The following MKKS variants were observed in gnomAD, a reference collection of about 807,000 sequenced individuals.
The protein encoded by MKKS is molecular chaperone MKKS.
Under a neutral mutation model 33.2 loss-of-function variants are expected in MKKS, and 29 were observed. The ratio of observed to expected loss-of-function variants is 0.87; its 90% CI spans 0.65 to 1.19. The LOEUF (loss-of-function observed/expected upper bound fraction) is 1.19. Among genes scored for constraint, MKKS ranks in the 50% most tolerant of loss-of-function variants. MKKS has a pLI of 0.00. For synonymous variants in MKKS, 260 were observed against 244.0 expected, an observed-to-expected ratio of 1.07 and a Z score of -0.61; for missense variants, 661 against 662.3, an observed-to-expected ratio of 1.00 and a Z score of 0.02.
rs938356776 is a variant in MKKS at position 10,404,554 on chromosome 20, T to A, written c.*693A>T. On this transcript the variant is annotated 3_prime_UTR_variant, in exon 6 of 6. Coordinates refer to ENST00000347364, the MANE Select transcript of MKKS (RefSeq NM_170784.3). ...GAAACCCCAGTGTAAAACAAACCAG[T>A]CCTTCTTCCCACTTTAAAAATGAAG... The A allele has an allele frequency of 2.6e-5, 4 of 152,038 alleles. No individual in the cohort carries two copies. The highest frequency in any genetic ancestry group is 7.2e-5 in the African/African-American group (3 of 41,382). The allele number at this position is 152,038 out of a possible 1,614,324, so 9.4% of individuals were successfully genotyped here.
chr20:10,407,758 C>G lies in MKKS; in HGVS notation c.1162-32G>C, dbSNP rs370383395. The G allele has an allele frequency of 2.4e-5, 36 of 1,490,518 alleles. 1 individual carries two copies. The highest frequency in any genetic ancestry group is 8.6e-5 in the Admixed American group (5 of 58,184). 92.3% of individuals were successfully genotyped at this position (1,490,518 alleles called of 1,614,324 possible). A position where few individuals can be genotyped will look rare whatever the true frequency, so the allele number is the denominator to read the frequency against. Reference sequence around the variant, plus strand: ...AAAAACCCAAATCATCAGAATCAGACGTTCACATCATATTAACACACAAAA... The same window carrying G: ...AAAAACCCAAATCATCAGAATCAGAGGTTCACATCATATTAACACACAAAA... On this transcript the variant is annotated intron_variant, in intron 4 of 5. Transcript: ENST00000347364.
At chr20:10,427,264 T>G (rs924144186) in intron 1 of MKKS, among the ~76,000 whole-genome samples, 2 of 152,200 alleles carry the variant, frequency 1.3e-5, no homozygotes, top group African/African-American at 4.8e-5. Flanking sequence ...AATGTTCTCA[T>G]TTTGCCTATT....
chr20:10,420,058 T>C (rs1286932516), intron 2 of MKKS, among the ~76,000 whole-genome samples: 1 of 152,194 alleles, frequency 6.6e-6, no homozygotes, highest in Non-Finnish European at 1.5e-5. Flanking sequence ...TAAGGGACTA[T>C]AGACCTAAAT....
chr20:10,413,890 CTTCT>C lies in MKKS; in HGVS notation c.-380_-377del. On this transcript the variant is annotated 5_prime_UTR_variant, in exon 3 of 6. Transcript: ENST00000347364. Reference sequence around the variant, plus strand: ...CTAATCCAACTGGTATTTTTCATCTCTTCTTTCGATATGAAGCTCAGATTCAAAG... The same window carrying C: ...CTAATCCAACTGGTATTTTTCATCTCTTCGATATGAAGCTCAGATTCAAAG... 2.4e-6 allele frequency: 1 copy of C among 422,314 alleles called. No individual in the cohort carries two copies. The highest frequency in any genetic ancestry group is 4.2e-6 in the Non-Finnish European group (1 of 239,216). 26.2% of individuals were successfully genotyped at this position (422,314 alleles called of 1,614,324 possible). A position where few individuals can be genotyped will look rare whatever the true frequency, so the allele number is the denominator to read the frequency against.
At chr20:10,424,883 C>G (rs12479887) in intron 1 of MKKS, among the ~76,000 whole-genome samples, 57 of 152,046 alleles carry the variant, frequency 3.7e-4, no homozygotes, top group Non-Finnish European at 7.5e-4. Flanking sequence ...GAAACCCTGT[C>G]TCTACTAAAA....
Position 10,413,040 on chromosome 20 carries a change from T to C in MKKS, c.475A>G (p.Thr159Ala), listed in dbSNP as rs758787703. 2.5e-6 allele frequency: 4 copies of C among 1,614,054 alleles called. No homozygotes were observed. Among genetic ancestry groups the C allele is most frequent in the Middle Eastern group, 1.6e-4 (1 of 6,062 alleles). The change falls in exon 3 of 6, where the codon ACA becomes GCA. Residue 159 changes from threonine (T) to alanine (A), a missense_variant. Thr to Ala is a moderately conservative substitution (Grantham distance 58, BLOSUM62 0). Coordinates refer to ENST00000347364, the MANE Select transcript of MKKS (RefSeq NM_170784.3). ...GTGAGCATACAGGCAGGTTTACTTG[T>C]TAATATACTACGCACCAAACAAAGG... ...ILLCLVRSIL[T>A]SKPACMLTRK...
Position 10,402,652 on chromosome 20 carries a change from A to G in MKKS, c.*2595T>C, listed in dbSNP as rs2064816661. 1 of 152,176 alleles carries G rather than the reference A, an allele frequency of 6.6e-6. No homozygotes were observed. The highest frequency in any genetic ancestry group is 1.5e-5 in the Non-Finnish European group (1 of 68,028). The allele number at this position is 152,176 out of a possible 1,614,324, so 9.4% of individuals were successfully genotyped here. A position where few individuals can be genotyped will look rare whatever the true frequency, so the allele number is the denominator to read the frequency against. ...ATCAATTGGAGAGGTTCGCTGTGTC[A>G]CCCCTTCTTGGAGGAACTTGAAAAA... On this transcript the variant is annotated 3_prime_UTR_variant, in exon 6 of 6. Coordinates refer to ENST00000347364, the MANE Select transcript of MKKS (RefSeq NM_170784.3).
intron 1 of MKKS, among the ~76,000 whole-genome samples, chr20:10,429,930 T>G (rs2065042779): frequency 6.6e-6 from 1 of 152,228 alleles, no homozygotes; most frequent in Non-Finnish European, 1.5e-5. Flanking sequence ...GTGTTTTAAT[T>G]AATTCTTTAG....
chr20:10,407,134 T>C (rs540588391), intron 5 of MKKS, among the ~76,000 whole-genome samples: 1 of 152,172 alleles, frequency 6.6e-6, no homozygotes, highest in Admixed American at 6.5e-5. Context: ...GAATCTAATA[T>C]GTGAATTGCT....
chr20:10,405,567 C>T lies in MKKS; in HGVS notation c.1393G>A (p.Gly465Arg), dbSNP rs780828272. The change falls in exon 6 of 6, where the codon GGA becomes AGA. Residue 465 changes from glycine (G) to arginine (R), a missense_variant. Gly to Arg is a moderately radical substitution (Grantham distance 125, BLOSUM62 -2). Coordinates refer to ENST00000347364, the MANE Select transcript of MKKS (RefSeq NM_170784.3). ...TTCATGTCAGTGAGAATTTCACCTC[C>T]ATCATGTTCTAAAGAGCCAACAACA... ...ESVVGSLEHD[G>R]GEILTDMKYG... 1.9e-6 allele frequency: 3 copies of T among 1,614,180 alleles called. No homozygotes were observed. The highest frequency in any genetic ancestry group is 2.5e-6 in the Non-Finnish European group (3 of 1,180,038).
rs748027926 is a variant in MKKS, at chr20:10,405,535, T to C, written c.1425A>G (p.Gly475=). ...AATCTGCCTGAACTGACCAAAGGTGTCCATACTTCATGTCAGTGAGAATTT... is the reference window on the plus strand; with the variant it reads ...AATCTGCCTGAACTGACCAAAGGTGCCCATACTTCATGTCAGTGAGAATTT... ...GGEILTDMKY[G]HLWSVQADSP... The change falls in exon 6 of 6, where the codon GGA becomes GGG. Residue 475 remains glycine (G), a synonymous_variant. Coordinates refer to ENST00000347364, the MANE Select transcript of MKKS (RefSeq NM_170784.3). The C allele has an allele frequency of 5.0e-6, 8 of 1,614,206 alleles. No homozygotes were observed. Among genetic ancestry groups the C allele is most frequent in the East Asian group, 2.2e-5 (1 of 44,882 alleles).
At position 10,405,466 on chromosome 20, in the gene MKKS, G is replaced by A. The variant is rs769705805; in HGVS notation, c.1494C>T (p.Gly498=). The A allele has an allele frequency of 1.2e-6, 2 of 1,614,184 alleles. No homozygotes were observed. Among genetic ancestry groups the A allele is most frequent in the South Asian group, 2.2e-5 (2 of 91,082 alleles). ...ANWPDLLSQC[G]CGLYNSQEEL... ...CTTCCTGGCTATTGTATAATCCACA[G>A]CCACACTGTGAAAGCAAATCTGGCC... Residue 498 remains glycine, a synonymous_variant, in exon 6 of 6, where the codon GGC becomes GGT. Coordinates refer to ENST00000347364, the MANE Select transcript of MKKS (RefSeq NM_170784.3).
At chr20:10,424,416 T>A (rs993079218) in intron 1 of MKKS, among the ~76,000 whole-genome samples, 1 of 152,054 alleles carries the variant, frequency 6.6e-6, no homozygotes, top group African/African-American at 2.4e-5. Context: ...CATATATTTT[T>A]AAAAAATGAC....
intron 3 of MKKS, among the ~76,000 whole-genome samples, chr20:10,411,301 T>G (rs1043156898): frequency 7.9e-5 from 12 of 152,062 alleles, no homozygotes; most frequent in Admixed American, 4.6e-4. Context: ...TTTTTTTAGA[T>G]GTAGTCCTGC....
intron 3 of MKKS, among the ~76,000 whole-genome samples, chr20:10,409,977 C>CAAAAAAAAAAAAAAAAAAAAAAAA (rs58776463): frequency 1.8e-5 from 1 of 54,230 alleles, no homozygotes; most frequent in Non-Finnish European, 3.0e-5. Flanking sequence ...GACTTTGTCT[C>CAAAAAAAAAAAAAAAAAAAAAAAA]AAAAAAAAAA....
rs1249206752 is a variant in MKKS, at chr20:10,404,582, A to G, written c.*665T>C. On this transcript the variant is annotated 3_prime_UTR_variant, in exon 6 of 6. Coordinates refer to ENST00000347364, the MANE Select transcript of MKKS (RefSeq NM_170784.3). ...TTCTTCCCACTTTAAAAATGAAGAC[A>G]TTACAATGTTGCTTTAGCCTTGGTT... 4 of 152,122 alleles carry G rather than the reference A, an allele frequency of 2.6e-5. No individual in the cohort carries two copies. The highest frequency in any genetic ancestry group is 2.1e-4 in the South Asian group (1 of 4,826). The allele number at this position is 152,122 out of a possible 1,614,324, so 9.4% of individuals were successfully genotyped here. A position where few individuals can be genotyped will look rare whatever the true frequency, so the allele number is the denominator to read the frequency against.
At chr20:10,420,444 T>C (rs964338485) in intron 2 of MKKS, 84 bp downstream of exon 2, 2 of 152,222 alleles carry the variant, frequency 1.3e-5, no homozygotes, top group African/African-American at 4.8e-5. Context: ...ATTTAGGCTT[T>C]TCCTTGCCAG....
intron 5 of MKKS, among the ~76,000 whole-genome samples, chr20:10,406,791 C>A (rs1368247910): frequency 6.6e-6 from 1 of 152,206 alleles, no homozygotes; most frequent in East Asian, 1.9e-4. Flanking sequence ...GTCCATTCAG[C>A]ACCAATAGAT....
intron 2 of MKKS, among the ~76,000 whole-genome samples, chr20:10,414,327 G>A (rs751274138): frequency 4.1e-5 from 6 of 146,074 alleles, no homozygotes; most frequent in African/African-American, 2.6e-5. Context: ...GTGCAATGGC[G>A]TGATCTTGGC....
Sources: gnomAD v4.1 joint callset for allele counts (sites outside exome capture counted in the v4.1 genomes callset) on GRCh38, gnomAD v4.1.1 for gene constraint, MANE v1.5 for transcripts, NCBI Gene and HGNC (gene_info 2026-07-23, HGNC 2026-07-21) for gene names.